The following CFAP91 variants were observed in gnomAD, a reference collection of about 807,000 sequenced individuals.
CFAP91 encodes cilia- and flagella-associated protein 91.
A neutral mutation model predicts 95.9 loss-of-function variants in CFAP91; 85 were observed. The ratio of observed to expected loss-of-function variants is 0.89; its 90% CI spans 0.74 to 1.06. The LOEUF (loss-of-function observed/expected upper bound fraction) is 1.06, where lower values mean the gene tolerates loss of function less well. Ranked by LOEUF, CFAP91 falls within the 50% of genes least tolerant of loss-of-function variation. CFAP91 has a pLI of 0.00. For missense variants in CFAP91, 962 were observed against 943.4 expected (o/e 1.02, Z -0.26); for synonymous variants, 335 against 327.5 (o/e 1.02, Z -0.25).
chr3:119,756,588 C>G (rs957729252), intron 17 of CFAP91, among the ~76,000 whole-genome samples: 1 of 151,968 alleles, frequency 6.6e-6, no homozygotes, highest in Non-Finnish European at 1.5e-5. Flanking sequence ...AGTTATAAAA[C>G]AAAAGAGTAA....
At position 119,742,312 on chromosome 3, in the gene CFAP91, A is replaced by G. The variant is rs115647380; in HGVS notation, c.1680+1617A>G. ...CTGAGGGAGTGAGCACCTCATGTATAGATGCAGCAATGCTGGTCTGCCCCC... is the reference window on the plus strand; with the variant it reads ...CTGAGGGAGTGAGCACCTCATGTATGGATGCAGCAATGCTGGTCTGCCCCC... On this transcript the variant is annotated intron_variant, in intron 13 of 17. Transcript: ENST00000273390. Among the ~76,000 whole-genome samples, 1,108 of 152,328 alleles carry G rather than the reference A, an allele frequency of 7.3e-3. 7 individuals carry two copies. Among genetic ancestry groups the G allele is most frequent in the Middle Eastern group, 0.037 (11 of 294 alleles).
intron 1 of CFAP91, among the ~76,000 whole-genome samples, chr3:119,705,203 C>T (rs775550661): frequency 1.3e-5 from 2 of 152,178 alleles, no homozygotes; most frequent in East Asian, 1.9e-4. Context: ...AATTGTATAG[C>T]GTCTTTGTGT....
intron 17 of CFAP91, among the ~76,000 whole-genome samples, chr3:119,753,285 T>G (rs1416823329): frequency 6.6e-6 from 1 of 152,160 alleles, no homozygotes; most frequent in Non-Finnish European, 1.5e-5. Context: ...GTTGGGGCCC[T>G]GGTAAACCTT....
At position 119,751,053 on chromosome 3, in the gene CFAP91, G is replaced by C. The variant is rs1559768266; in HGVS notation, c.2260G>C (p.Ala754Pro). The C allele has an allele frequency of 6.2e-7, 1 of 1,611,734 alleles. No individual in the cohort carries two copies. Among genetic ancestry groups the C allele is most frequent in the Non-Finnish European group, 8.5e-7 (1 of 1,179,228 alleles). Reference protein sequence around the residue: ...EGEQDEASNAAMLLEKETQNE... With the variant: ...EGEQDEASNAPMLLEKETQNE... ...AGAGCAAGATGAGGCCTCAAATGCT[G>C]CCATGTTACTTGAGAAAGAAACTCA... Residue 754 changes from alanine to proline, a missense_variant, in exon 17 of 18, where the codon GCC (alanine) becomes CCC (proline). Coordinates refer to ENST00000273390, the MANE Select transcript of CFAP91 (RefSeq NM_033364.4).
intron 17 of CFAP91, among the ~76,000 whole-genome samples, chr3:119,761,436 A>C (rs1041556289): frequency 6.6e-6 from 1 of 151,726 alleles, no homozygotes; most frequent in African/African-American, 2.4e-5. Flanking sequence ...CCAAATGTTT[A>C]AATTTCAGTC....
chr3:119,762,649 G>T (rs1015034390), intron 17 of CFAP91, among the ~76,000 whole-genome samples: 1 of 151,964 alleles, frequency 6.6e-6, no homozygotes, highest in African/African-American at 2.4e-5. Context: ...GTAATAGAGA[G>T]CCCAGAAATG....
rs1176063888 is a variant in CFAP91, at chr3:119,747,228, G to GA, written c.2020dup (p.Ile674AsnfsTer3). On this transcript the variant is annotated frameshift_variant, in exon 15 of 18. Transcript: ENST00000273390. LOFTEE classifies it high-confidence loss of function. ...GGGCAGAAATAGAGAAGATGGCTGAGAAAATCAATGACATTGCTTATGAAA... is the reference window on the plus strand; with the variant it reads ...GGGCAGAAATAGAGAAGATGGCTGAGAAAAATCAATGACATTGCTTATGAAA... 1.2e-6 allele frequency: 2 copies of GA among 1,613,638 alleles called. No homozygotes were observed. The highest frequency in any genetic ancestry group is 1.7e-6 in the Non-Finnish European group (2 of 1,179,762).
chr3:119,707,439 C>T lies in CFAP91; in HGVS notation c.237C>T (p.Asn79=), dbSNP rs762899177. Residue 79 remains asparagine, a synonymous_variant, in exon 3 of 18, where the codon AAC becomes AAT. Transcript: ENST00000273390. ...CCAGGTTTAAAACCATGTTCAGTAACCTGATCCATTATCCAAGATATTCTC... is the reference window on the plus strand; with the variant it reads ...CCAGGTTTAAAACCATGTTCAGTAATCTGATCCATTATCCAAGATATTCTC... ...KVPRFKTMFS[N]LIHYPRYSLY... is the part of the protein sequence containing the mutation. 1.9e-6 allele frequency: 3 copies of T among 1,586,404 alleles called. No homozygotes were observed. The highest frequency in any genetic ancestry group is 2.6e-6 in the Non-Finnish European group (3 of 1,161,528).
At chr3:119,735,166 T>C (rs901897710) in intron 10 of CFAP91, among the ~76,000 whole-genome samples, 7 of 152,172 alleles carry the variant, frequency 4.6e-5, no homozygotes, top group Admixed American at 6.5e-5. Flanking sequence ...TACTGAAGGC[T>C]TGCTTATTTT....
At chr3:119,752,376 G>A (rs2054341869) in intron 17 of CFAP91, 1 of 152,094 alleles carries the variant, frequency 6.6e-6, no homozygotes, top group Non-Finnish European at 1.5e-5. Context: ...TGAGAGGGAA[G>A]GTAAGAAATA....
intron 17 of CFAP91, among the ~76,000 whole-genome samples, chr3:119,759,638 G>C (rs1364044050): frequency 6.6e-6 from 1 of 151,922 alleles, no homozygotes; most frequent in Non-Finnish European, 1.5e-5. Flanking sequence ...TTTTTAGTAT[G>C]AAGGTTAAAA....
At chr3:119,727,078 AC>A (rs1427405854) in intron 7 of CFAP91, among the ~76,000 whole-genome samples, 1 of 152,044 alleles carries the variant, frequency 6.6e-6, no homozygotes, top group African/African-American at 2.4e-5. Context: ...AAAAATTATA[AC>A]TCTCTAGCAA....
intron 7 of CFAP91, among the ~76,000 whole-genome samples, 157 bp from the exon 8 acceptor site, chr3:119,730,063 G>A (rs181423231): frequency 1.3e-5 from 2 of 152,016 alleles, no homozygotes; most frequent in East Asian, 1.9e-4. Flanking sequence ...CCTCCCCCAC[G>A]CCCTCAATTC....
intron 17 of CFAP91, among the ~76,000 whole-genome samples, chr3:119,753,050 T>C (rs914297398): frequency 6.6e-6 from 1 of 152,142 alleles, no homozygotes; most frequent in South Asian, 2.1e-4. Context: ...AAAATACATA[T>C]TTAAAAATAC....
chr3:119,747,791 A>G lies in CFAP91; in HGVS notation c.2052-20A>G, dbSNP rs201549709. The G allele has an allele frequency of 3.1e-6, 5 of 1,601,038 alleles. No homozygotes were observed. Among genetic ancestry groups the G allele is most frequent in the African/African-American group, 2.7e-5 (2 of 74,630 alleles). ...GTGAAAAAACCAAAGAAATAATTCAATTTGTTTTATATTTTTTAGCCGAAC... is the reference window on the plus strand; with the variant it reads ...GTGAAAAAACCAAAGAAATAATTCAGTTTGTTTTATATTTTTTAGCCGAAC... On this transcript the variant is annotated intron_variant, in intron 15 of 17. Transcript: ENST00000273390.
intron 6 of CFAP91, among the ~76,000 whole-genome samples, chr3:119,725,766 A>AAAAG (rs1443702066): frequency 7.4e-6 from 1 of 135,174 alleles, no homozygotes; most frequent in African/African-American, 3.4e-5. Context: ...CACAAAAAAG[A>AAAAG]AAAAAAAAAA....
Position 119,732,461 on chromosome 3 carries a change from C to T in CFAP91, c.1186C>T (p.Leu396Phe). 6.2e-7 allele frequency: 1 copy of T among 1,601,324 alleles called. No individual in the cohort carries two copies. The highest frequency in any genetic ancestry group is 1.3e-5 in the African/African-American group (1 of 74,452). ...GGACTTTGTAGTAAAAAACTACTAT[C>T]TCAACACCTATGAAGGTAAGCAATT... ...SEDFVVKNYY[L>F]NTYEGLVELE... Residue 396 changes from leucine to phenylalanine, a missense_variant, in exon 9 of 18, where the codon CTC (leucine) becomes TTC (phenylalanine). Physicochemically the swap from Leu to Phe is conservative, Grantham distance 22 (BLOSUM62 0). Transcript: ENST00000273390.
At chr3:119,730,900 G>A (rs1290947461) in intron 8 of CFAP91, among the ~76,000 whole-genome samples, 1 of 152,086 alleles carries the variant, frequency 6.6e-6, no homozygotes, top group Non-Finnish European at 1.5e-5. Context: ...TTCACTGCAA[G>A]ATTAATAATG....
At chr3:119,724,831 G>T (rs545732756) in intron 6 of CFAP91, among the ~76,000 whole-genome samples, 1 of 152,062 alleles carries the variant, frequency 6.6e-6, no homozygotes, top group Non-Finnish European at 1.5e-5. Context: ...TGCAACCTCC[G>T]CCTCTGGGGT....
Sources: gnomAD v4.1 joint callset for allele counts (sites outside exome capture counted in the v4.1 genomes callset) on GRCh38, gnomAD v4.1.1 for gene constraint, MANE v1.5 for transcripts, NCBI Gene and HGNC (gene_info 2026-07-23, HGNC 2026-07-21) for gene names.